The following STOX2 variants were observed in gnomAD, a reference collection of about 807,000 sequenced individuals.
The protein encoded by STOX2 is storkhead-box protein 2.
STOX2 carries 28 observed loss-of-function variants against 60.9 expected under a neutral mutation model. The observed-to-expected ratio is 0.46, with a 90% CI of 0.34 to 0.63. STOX2 has a LOEUF of 0.63. Among genes scored for constraint, STOX2 ranks in the 30% least tolerant of loss-of-function variants. The pLI is 0.01. For missense variants in STOX2, 1,024 were observed against 1,187.7 expected (o/e 0.86, Z 2.03); for synonymous variants, 472 against 463.9 (o/e 1.02, Z -0.22).
At chr4:183,843,147 CA>C (rs60213127) in intron 1 of STOX2, among the ~76,000 whole-genome samples, 44,508 of 101,684 alleles carry the variant, frequency 0.44, 6,867 homozygotes, top group East Asian at 0.7. Context: ...GACTCCATCT[CA>C]AAAAAAAAAA....
chr4:183,987,380 G>A (rs1732890665), intron 1 of STOX2, among the ~76,000 whole-genome samples: 1 of 152,130 alleles, frequency 6.6e-6, no homozygotes, highest in Admixed American at 6.5e-5. Context: ...CATGTCCGCA[G>A]GTGTACACGT....
intron 1 of STOX2, among the ~76,000 whole-genome samples, chr4:183,843,648 C>A (rs2111133717): frequency 1.3e-5 from 2 of 152,244 alleles, no homozygotes. Context: ...CTGTGCATGC[C>A]AAAATTTGGA....
intron 1 of STOX2, among the ~76,000 whole-genome samples, chr4:183,842,451 G>A (rs1350868582): frequency 6.6e-6 from 1 of 152,108 alleles, no homozygotes; most frequent in Non-Finnish European, 1.5e-5. Flanking sequence ...TAGGTACTCT[G>A]CCACCCTGTT....
At chr4:183,858,482 C>T (rs1343582382) in intron 1 of STOX2, among the ~76,000 whole-genome samples, 3 of 152,172 alleles carry the variant, frequency 2.0e-5, no homozygotes, top group Non-Finnish European at 2.9e-5. Context: ...CTGCCTCATT[C>T]GTGCACTGTT....
At chr4:183,945,089 G>C (rs1742850303) in intron 1 of STOX2, among the ~76,000 whole-genome samples, 1 of 152,230 alleles carries the variant, frequency 6.6e-6, no homozygotes, top group African/African-American at 2.4e-5. Flanking sequence ...TGGGTATGGA[G>C]TCTGTGAGTG....
At chr4:183,830,871 A>G (rs1397058436) in intron 1 of STOX2, among the ~76,000 whole-genome samples, 1 of 151,282 alleles carries the variant, frequency 6.6e-6, no homozygotes, top group Non-Finnish European at 1.5e-5. Flanking sequence ...ACGTTTTCAG[A>G]GGTTGTAACA....
intron 1 of STOX2, among the ~76,000 whole-genome samples, chr4:183,910,964 G>A (rs1279416435): frequency 1.3e-5 from 2 of 152,132 alleles, no homozygotes; most frequent in African/African-American, 2.4e-5. Context: ...GGGTTTTCTG[G>A]GAGTGAAGGA....
At chr4:183,946,871 C>T (rs1160162219) in intron 1 of STOX2, among the ~76,000 whole-genome samples, 7 of 152,144 alleles carry the variant, frequency 4.6e-5, no homozygotes, top group Non-Finnish European at 7.3e-5. Flanking sequence ...GTGATCCACC[C>T]CCTCCTTGGC....
chr4:183,950,933 C>G (rs1168700885), intron 1 of STOX2, among the ~76,000 whole-genome samples: 1 of 152,044 alleles, frequency 6.6e-6, no homozygotes, highest in Non-Finnish European at 1.5e-5. Context: ...GACAGTAGTG[C>G]GGCCGGGCGC....
At chr4:183,994,124 C>T (rs150514689) in intron 1 of STOX2, among the ~76,000 whole-genome samples, 1 of 152,294 alleles carries the variant, frequency 6.6e-6, no homozygotes, top group African/African-American at 2.4e-5. Context: ...GTGATTTCCC[C>T]AAGCCCAAGG....
rs1560941266 is a variant in STOX2 at position 184,010,095 on chromosome 4, T to G, written c.1257T>G (p.Asp419Glu). ...EGCFIIEHKG[D>E]NFIMHSNTNV... Reference sequence around the variant, plus strand: ...GCTTCATCATTGAACACAAAGGAGATAACTTCATCATGCACAGCAACACAA... The same window carrying G: ...GCTTCATCATTGAACACAAAGGAGAGAACTTCATCATGCACAGCAACACAA... Residue 419 changes from aspartate (D) to glutamate (E), a missense_variant, in exon 3 of 4, where the codon GAT becomes GAG. Asp to Glu is a conservative substitution (Grantham distance 45). Transcript: ENST00000308497. The surrounding 1 kb of genome is among the most constrained non-coding windows in gnomAD (Gnocchi z 4.5). 6.2e-7 allele frequency: 1 copy of G among 1,604,606 alleles called. No individual in the cohort carries two copies. The highest frequency in any genetic ancestry group is 1.1e-5 in the South Asian group (1 of 89,264).
intron 1 of STOX2, among the ~76,000 whole-genome samples, chr4:183,889,311 A>G (rs1741154641): frequency 6.6e-6 from 1 of 152,094 alleles, no homozygotes; most frequent in Admixed American, 6.5e-5. Context: ...ACAGGCACAC[A>G]GGGAGAATGC....
intron 1 of STOX2, among the ~76,000 whole-genome samples, chr4:183,877,514 A>T (rs548675582): frequency 6.6e-6 from 1 of 152,244 alleles, no homozygotes; most frequent in Non-Finnish European, 1.5e-5. Flanking sequence ...GGGAGAAAAT[A>T]GGGTCTGTAA....
At position 183,840,060 on chromosome 4, in the gene STOX2, G is replaced by A. The variant is rs1363814567; in HGVS notation, c.364+42005G>A. On this transcript the variant is annotated intron_variant, in intron 1 of 2. Transcript: ENST00000513034. The stretch of plus-strand genomic sequence containing the variant: ...ACTCTGTGTGTGTGTGCGCGTGTGT[G>A]TGTGTGTGTTGGTTGTGGGGGCAAG... 5.9e-5 allele frequency among the ~76,000 whole-genome samples: 9 copies of A among 152,170 alleles called. No individual in the cohort carries two copies. In the East Asian group the frequency reaches 1.7e-3, roughly 29 times the overall value.
intron 1 of STOX2, among the ~76,000 whole-genome samples, chr4:183,814,356 C>A (rs965106896): frequency 2.0e-5 from 3 of 152,092 alleles, no homozygotes; most frequent in Non-Finnish European, 4.4e-5. Flanking sequence ...ACAATAATTA[C>A]TGTATATTGA....
chr4:183,912,958 T>C (rs1741823626), intron 1 of STOX2, among the ~76,000 whole-genome samples: 3 of 152,198 alleles, frequency 2.0e-5, no homozygotes, highest in Admixed American at 6.5e-5. Context: ...ACCAACAAGC[T>C]ATGAGTGGAT....
rs1413471668 is a variant in STOX2, at chr4:184,010,511, A to G, written c.1673A>G (p.Glu558Gly). The G allele has an allele frequency of 1.2e-6, 2 of 1,613,864 alleles. No homozygotes were observed. The highest frequency in any genetic ancestry group is 1.1e-5 in the South Asian group (1 of 91,042). The change falls in exon 3 of 4, where the codon GAG becomes GGG. Residue 558 changes from glutamate (E) to glycine (G), a missense_variant. Physicochemically the swap from Glu to Gly is moderately conservative, Grantham distance 98 (BLOSUM62 -2). Transcript: ENST00000308497. This position sits in a 1 kb window ranked among gnomAD's most constrained non-coding sequence, Gnocchi z 4.5. ...AGCTATAAAGAGGTGTGTATTCCAG[A>G]GATAGTCAGTGGCAGCAAGGAACCG... ...STSYKEVCIP[E>G]IVSGSKEPSS...
At chr4:183,866,738 G>T (rs1740575958) in intron 1 of STOX2, among the ~76,000 whole-genome samples, 1 of 152,144 alleles carries the variant, frequency 6.6e-6, no homozygotes. Context: ...CAGGTGCCAG[G>T]CGCAGTGGCT....
intron 1 of STOX2, among the ~76,000 whole-genome samples, chr4:183,873,131 T>G (rs1245868096): frequency 2.6e-5 from 4 of 152,212 alleles, no homozygotes; most frequent in African/African-American, 9.6e-5. Flanking sequence ...TATAAGCATT[T>G]TTGTGTTGGG....
Sources: gnomAD v4.1 joint callset for allele counts (sites outside exome capture counted in the v4.1 genomes callset) on GRCh38, gnomAD v4.1.1 for gene constraint, Gnocchi (gnomAD v3.1) non-coding constraint, MANE v1.5 for transcripts, NCBI Gene and HGNC (gene_info 2026-07-23, HGNC 2026-07-21) for gene names.